PRRC2C: variants seen among roughly 807,000 people sequenced by gnomAD.
PRRC2C encodes the protein proline rich coiled-coil 2C.
In PRRC2C, 72 loss-of-function variants were observed where a neutral mutation model predicts 317.2. That is an observed-to-expected ratio of 0.23 (90% confidence interval 0.19 to 0.28). PRRC2C has a LOEUF of 0.28. Among genes scored for constraint, PRRC2C ranks in the 10% least tolerant of loss-of-function variants. The pLI, the probability that PRRC2C is intolerant of heterozygous loss-of-function variation, is 1.00. For synonymous variants in PRRC2C, 1,296 were observed against 1,205.9 expected, an observed-to-expected ratio of 1.07 and a Z score of -1.55; for missense variants, 3,074 against 3,459.7, an observed-to-expected ratio of 0.89 and a Z score of 2.80.
In PRRC2C at chr1:171,557,226, G is replaced by C. The variant is rs576608370; in HGVS notation, c.5128-14G>C. The C allele has an allele frequency of 6.5e-7, 1 of 1,527,698 alleles. No homozygotes were observed. The allele number at this position is 1,527,698 out of a possible 1,614,324, so 94.6% of individuals were successfully genotyped here. On this transcript the variant is annotated splice_polypyrimidine_tract_variant and intron_variant, in intron 18 of 34. Transcript: ENST00000647382. ...TGCATTATTGACAAAAATGGTCCCC[G>C]TTAATTTTTTAAGGTCTGGAACAAA...
intron 20 of PRRC2C, 49 bp downstream of exon 20, chr1:171,561,152 C>A: frequency 6.7e-7 from 1 of 1,487,528 alleles, no homozygotes; most frequent in Non-Finnish European, 9.4e-7. Context: ...TTCCCTAATA[C>A]TTCAGTGTGG....
chr1:171,583,650 CTG>C (rs1198925335), intron 28 of PRRC2C, among the ~76,000 whole-genome samples: 2 of 152,276 alleles, frequency 1.3e-5, no homozygotes, highest in African/African-American at 4.8e-5. Context: ...CTGTATGTAA[CTG>C]TATGTACTGA....
At chr1:171,565,457 G>A (rs1683467869) in intron 20 of PRRC2C, among the ~76,000 whole-genome samples, 1 of 113,496 alleles carries the variant, frequency 8.8e-6, no homozygotes, top group Non-Finnish European at 2.1e-5. Flanking sequence ...GGGTTGGTTT[G>A]TTTGTTTTTG....
At chr1:171,565,225 T>C (rs1333130777) in intron 20 of PRRC2C, among the ~76,000 whole-genome samples, 1 of 152,198 alleles carries the variant, frequency 6.6e-6, no homozygotes, top group Non-Finnish European at 1.5e-5. Flanking sequence ...CCTAAACTCT[T>C]TCCACTGATC....
At chr1:171,532,159 G>T (rs955758243) in intron 11 of PRRC2C, among the ~76,000 whole-genome samples, 184 bp from the exon 12 acceptor site, 1 of 152,080 alleles carries the variant, frequency 6.6e-6, no homozygotes, top group African/African-American at 2.4e-5. Context: ...TAATTATTCT[G>T]GTCTTAGTTT....
At chr1:171,513,774 T>C (rs1489850136) in intron 3 of PRRC2C, among the ~76,000 whole-genome samples, 1 of 152,222 alleles carries the variant, frequency 6.6e-6, no homozygotes, top group Non-Finnish European at 1.5e-5. Flanking sequence ...CTTGATGTTT[T>C]CTTGCCTATC....
At chr1:171,561,315 T>C (rs889882768) in intron 20 of PRRC2C, among the ~76,000 whole-genome samples, 2 of 152,112 alleles carry the variant, frequency 1.3e-5, no homozygotes, top group Non-Finnish European at 2.9e-5. Context: ...TAGCCAGTTG[T>C]GGTGGCATGT....
Position 171,542,272 on chromosome 1 carries a change from A to G in PRRC2C, c.4763+43A>G, listed in dbSNP as rs1432838654. ...AATATAGTTGCTTTTGCACCTTTAA[A>G]GAAGCTAAAAGTAGAGTTCTTGGTT... On this transcript the variant is annotated intron_variant, in intron 16 of 34. Coordinates refer to ENST00000647382, the MANE Select transcript of PRRC2C (RefSeq NM_001387844.1). 7.8e-6 allele frequency: 11 copies of G among 1,416,774 alleles called. 1 individual carries two copies. Among genetic ancestry groups the G allele is most frequent in the Non-Finnish European group, 9.4e-6 (10 of 1,065,734 alleles). The allele number at this position is 1,416,774 out of a possible 1,614,324, so 87.8% of individuals were successfully genotyped here.
intron 14 of PRRC2C, 93 bp downstream of exon 14, chr1:171,536,371 A>G (rs375072673): frequency 1.9e-5 from 26 of 1,387,640 alleles, no homozygotes; most frequent in Middle Eastern, 1.9e-4. Context: ...AATCTAGGAA[A>G]AACTTAAACC....
Position 171,541,275 on chromosome 1 carries a change from A to C in PRRC2C, c.3809A>C (p.Asp1270Ala). 6.2e-7 allele frequency: 1 copy of C among 1,614,006 alleles called. No homozygotes were observed. ...CAGCGGGGTTCAGAGACTGACACAG[A>C]CAGTGAAATTCATGAAAGTGCAAGT... ...RRQRGSETDT[D>A]SEIHESASDK... Residue 1270 changes from aspartate (D) to alanine (A), a missense_variant, in exon 16 of 35, where the codon GAC (aspartate) becomes GCC (alanine). Physicochemically the swap from Asp to Ala is moderately radical, Grantham distance 126. Coordinates refer to ENST00000647382, the MANE Select transcript of PRRC2C (RefSeq NM_001387844.1). The surrounding 1 kb of genome is among the most constrained non-coding windows in gnomAD (Gnocchi z 4.1).
chr1:171,558,189 A>T (rs1304674721), intron 19 of PRRC2C, 46 bp downstream of exon 19: 1 of 1,529,112 alleles, frequency 6.5e-7, no homozygotes. Flanking sequence ...GCATAGGAAT[A>T]CTGAGGTTTC....
chr1:171,537,911 T>C (rs778108483), intron 15 of PRRC2C, among the ~76,000 whole-genome samples: 4 of 152,012 alleles, frequency 2.6e-5, no homozygotes, highest in Non-Finnish European at 5.9e-5. Context: ...GTTTTTGTTT[T>C]TGTTTTTGAG....
chr1:171,541,965 C>T lies in PRRC2C; in HGVS notation c.4499C>T (p.Thr1500Ile), dbSNP rs1280470753. Residue 1500 changes from threonine (T) to isoleucine (I), a missense_variant, in exon 16 of 35, where the codon ACA (threonine) becomes ATA (isoleucine). Around this residue, in one of 11 missense-constraint regions of PRRC2C, gnomAD observed 4 missense variants for 17.9 expected, o/e 0.22. Transcript: ENST00000647382. This position sits in a 1 kb window ranked among gnomAD's most constrained non-coding sequence, Gnocchi z 4.1. ...SSDQANEEWE[T>I]ASESSDFNER... ...GATCAGGCAAATGAAGAATGGGAAA[C>T]AGCTTCTGAAAGCAGTGATTTCAAT... 1 of 1,613,580 alleles carries T rather than the reference C, an allele frequency of 6.2e-7. No homozygotes were observed. The highest frequency in any genetic ancestry group is 2.2e-5 in the East Asian group (1 of 44,872).
In PRRC2C at chr1:171,540,081, A is replaced by G. The variant is rs1198608126; in HGVS notation, c.2615A>G (p.Gln872Arg). Reference protein sequence around the residue: ...ADFIRESSEAQVQKFLSRSVE... With the variant: ...ADFIRESSEARVQKFLSRSVE... ...TTTATCAGAGAATCAAGTGAGGCAC[A>G]AGTACAAAAGTTTTTAAGCAGATCT... is the stretch of plus-strand genomic sequence containing the variant. Residue 872 changes from glutamine (Q) to arginine (R), a missense_variant, in exon 16 of 35, where the codon CAA (glutamine) becomes CGA (arginine). Physicochemically the swap from Gln to Arg is conservative, Grantham distance 43. Coordinates refer to ENST00000647382, the MANE Select transcript of PRRC2C (RefSeq NM_001387844.1). The G allele has an allele frequency of 6.2e-7, 1 of 1,613,938 alleles. No homozygotes were observed. The highest frequency in any genetic ancestry group is 2.2e-5 in the East Asian group (1 of 44,880).
At position 171,590,662 on chromosome 1, in the gene PRRC2C, AC is replaced by A. The variant is rs1204238457; in HGVS notation, c.8437-924del. On this transcript the variant is annotated intron_variant, in intron 34 of 34. Transcript: ENST00000647382. ...AATTTAAAGACTACCCAGCAGCAAA[AC>A]TTTTATTAAATAATTATCTACTTTT... 3.9e-5 allele frequency among the ~76,000 whole-genome samples: 6 copies of A among 152,154 alleles called. No homozygotes were observed. The East Asian group carries it at 1.2e-3, about 29-fold the overall frequency.
At chr1:171,535,885 G>A (rs1285180375) in intron 13 of PRRC2C, 144 bp from the exon 14 acceptor site, 4 of 1,126,272 alleles carry the variant, frequency 3.6e-6, no homozygotes, top group Non-Finnish European at 5.0e-6. Flanking sequence ...TTTTTGTCTT[G>A]CCAACTCTTA....
Position 171,591,812 on chromosome 1 carries a change from C to A in PRRC2C, c.8662C>A (p.Pro2888Thr). 1 of 1,608,754 alleles carries A rather than the reference C, an allele frequency of 6.2e-7. No individual in the cohort carries two copies. Among genetic ancestry groups the A allele is most frequent in the East Asian group, 2.2e-5 (1 of 44,696 alleles). The change falls in exon 35 of 35, where the codon CCT becomes ACT. Residue 2888 changes from proline (P) to threonine (T), a missense_variant. Pro to Thr is a conservative substitution (Grantham distance 38). This residue lies in a region of PRRC2C where 78 missense variants were observed against 97.7 expected (regional missense o/e 0.80). Coordinates refer to ENST00000647382, the MANE Select transcript of PRRC2C (RefSeq NM_001387844.1). ...TKPVRTGPIK[P>T]QAIKTEETKS is the part of the protein sequence containing the mutation. Reference sequence around the variant, plus strand: ...ACCTGTTAGAACTGGACCAATCAAACCTCAGGCGATCAAAACCGAAGAAAC... The same window carrying A: ...ACCTGTTAGAACTGGACCAATCAAAACTCAGGCGATCAAAACCGAAGAAAC...
chr1:171,491,587 A>G (rs1667160692), intron 1 of PRRC2C, among the ~76,000 whole-genome samples: 1 of 152,212 alleles, frequency 6.6e-6, no homozygotes, highest in Non-Finnish European at 1.5e-5. Context: ...ACAACATCAA[A>G]AACAATTGGG....
intron 12 of PRRC2C, among the ~76,000 whole-genome samples, chr1:171,534,147 A>G (rs1165748166): frequency 6.6e-6 from 1 of 152,160 alleles, no homozygotes; most frequent in African/African-American, 2.4e-5. Flanking sequence ...ATAAAGGAGT[A>G]TGAGTATTTT....
Sources: gnomAD v4.1 joint callset for allele counts (sites outside exome capture counted in the v4.1 genomes callset) on GRCh38, gnomAD v4.1.1 for gene constraint, gnomAD v4.1.1 regional missense constraint, Gnocchi (gnomAD v3.1) non-coding constraint, MANE v1.5 for transcripts, NCBI Gene and HGNC (gene_info 2026-07-23, HGNC 2026-07-21) for gene names.